HIPK3: variants seen among roughly 807,000 people sequenced by gnomAD.
The protein encoded by HIPK3 is homeodomain interacting protein kinase 3, also known as homeodomain-interacting protein kinase 3.
A neutral mutation model predicts 124.2 loss-of-function variants in HIPK3; 47 were observed. The ratio of observed to expected loss-of-function variants is 0.38; its 90% CI spans 0.30 to 0.48. HIPK3 has a LOEUF of 0.48. HIPK3 is among the 20% of genes least tolerant of loss of function. The pLI is 0.98. For missense variants in HIPK3, 1,286 were observed against 1,454.3 expected, an observed-to-expected ratio of 0.88 and a Z score of 1.88; for synonymous variants, 482 against 515.2, an observed-to-expected ratio of 0.94 and a Z score of 0.87.
At position 33,339,391 on chromosome 11, in the gene HIPK3, T is replaced by C. The variant is rs764800823; in HGVS notation, c.1470T>C (p.Ala490=). The change falls in exon 6 of 17, where the codon GCT becomes GCC. Residue 490 remains alanine (A), a synonymous_variant. Transcript: ENST00000303296. ...VMDLEGSDLL[A]EKADRREFVS... ...ATTTGGAAGGAAGTGATCTTTTGGC[T>C]GAGAAAGCTGATAGAAGAGAATTTG... The C allele has an allele frequency of 5.0e-6, 8 of 1,613,616 alleles. No individual in the cohort carries two copies. Among genetic ancestry groups the C allele is most frequent in the Non-Finnish European group, 5.9e-6 (7 of 1,179,632 alleles).
chr11:33,259,742 CTT>C (rs1177908279), intron 1 of HIPK3, among the ~76,000 whole-genome samples: 1 of 144,216 alleles, frequency 6.9e-6, no homozygotes. Context: ...TTGGGCATGT[CTT>C]TTTTTTTTTG....
Position 33,337,125 on chromosome 11 carries a change from TGTGGGTACTAAATCCACAAG to T in HIPK3, c.1273_1292del (p.Val425IlefsTer22). 6.3e-7 allele frequency: 1 copy of T among 1,596,758 alleles called. No homozygotes were observed. The highest frequency in any genetic ancestry group is 8.6e-7 in the Non-Finnish European group (1 of 1,165,376). ...GTTTGCCAGGAGAACAGTTGTTAAA[TGTGGGTACTAAATCCACAAG>T]ATTTTTTTGCAAAGAAACAGATATG... On this transcript the variant is annotated frameshift_variant, in exon 4 of 17. Coordinates refer to ENST00000303296, the MANE Select transcript of HIPK3 (RefSeq NM_005734.5). LOFTEE classifies it high-confidence loss of function.
intron 3 of HIPK3, among the ~76,000 whole-genome samples, chr11:33,335,171 T>C (rs761924068): frequency 2.0e-5 from 3 of 152,118 alleles, no homozygotes; most frequent in Non-Finnish European, 4.4e-5. Context: ...GTTGGAGATA[T>C]AGAGTCCAGC....
intron 2 of HIPK3, among the ~76,000 whole-genome samples, chr11:33,301,292 A>G (rs1262556963): frequency 6.6e-6 from 1 of 152,160 alleles, no homozygotes; most frequent in Non-Finnish European, 1.5e-5. Flanking sequence ...GACTTGGAGT[A>G]TGTAGTCAAA....
At chr11:33,339,219 T>A (rs1853254555) in intron 5 of HIPK3, 131 bp from the exon 6 acceptor site, 1 of 615,208 alleles carries the variant, frequency 1.6e-6, no homozygotes, top group Non-Finnish European at 2.8e-6. Flanking sequence ...TTGTTCTTCT[T>A]TGTTTTAAGA....
At chr11:33,309,064 T>C (rs1218367491) in intron 2 of HIPK3, among the ~76,000 whole-genome samples, 2 of 152,204 alleles carry the variant, frequency 1.3e-5, no homozygotes, top group African/African-American at 4.8e-5. Flanking sequence ...GTGAGCAGTT[T>C]GCAAACTAGG....
At chr11:33,341,183 T>C in intron 7 of HIPK3, 56 bp downstream of exon 7, 1 of 1,252,944 alleles carries the variant, frequency 8.0e-7, no homozygotes, top group Admixed American at 2.3e-5. Context: ...TTGCGCATTT[T>C]ACTTTTGATA....
At chr11:33,297,870 A>G (rs1406617605) in intron 2 of HIPK3, among the ~76,000 whole-genome samples, 2 of 145,536 alleles carry the variant, frequency 1.4e-5, no homozygotes, top group African/African-American at 2.6e-5. Context: ...GCTCATTGCA[A>G]CCTCTACCTG....
intron 2 of HIPK3, among the ~76,000 whole-genome samples, chr11:33,299,196 G>C (rs983337791): frequency 6.6e-6 from 1 of 151,792 alleles, no homozygotes; most frequent in Non-Finnish European, 1.5e-5. Context: ...TTCTTGGGCC[G>C]GGCGCGGTGG....
rs186808506 is a variant in HIPK3, at chr11:33,305,222, G to A, written c.1097+17711G>A. On this transcript the variant is annotated intron_variant, in intron 2 of 16. Transcript: ENST00000303296. ...TCACCACGTTGGCCAGGTTGGTCTC[G>A]AACTCCTGACCTTAAGTGATCTGCC... Among the ~76,000 whole-genome samples, 196 of 152,048 alleles carry A rather than the reference G, an allele frequency of 1.3e-3. 1 individual carries two copies. Among genetic ancestry groups the A allele is most frequent in the East Asian group, 6.4e-3 (33 of 5,156 alleles).
At chr11:33,300,857 T>TC in intron 2 of HIPK3, among the ~76,000 whole-genome samples, 1 of 152,286 alleles carries the variant, frequency 6.6e-6, no homozygotes. Flanking sequence ...CACCTCAGCC[T>TC]CCTGAGTAGC....
intron 2 of HIPK3, among the ~76,000 whole-genome samples, chr11:33,307,343 CTT>C (rs1852191549): frequency 6.6e-6 from 1 of 150,884 alleles, no homozygotes; most frequent in Non-Finnish European, 1.5e-5. Context: ...TATGAACACA[CTT>C]ATATAACCAC....
chr11:33,327,418 A>G (rs997681181), intron 2 of HIPK3, among the ~76,000 whole-genome samples: 3 of 152,220 alleles, frequency 2.0e-5, no homozygotes, highest in African/African-American at 7.2e-5. Flanking sequence ...CTTAGGAATT[A>G]TTCCATATTG....
At position 33,353,240 on chromosome 11, in the gene HIPK3, C is replaced by T. The variant is rs1469317144; in HGVS notation, c.3320C>T (p.Ala1107Val). The change falls in exon 17 of 17, where the codon GCT becomes GTT. Residue 1107 changes from alanine (A) to valine (V), a missense_variant. Physicochemically the swap from Ala to Val is moderately conservative, Grantham distance 64 (BLOSUM62 0). This residue lies in a region of HIPK3 where 810 missense variants were observed against 864.9 expected (regional missense o/e 0.94). Transcript: ENST00000303296. ...CACACAGCAGTGCATGCCCACCTGG[C>T]TGGAAATACACACCTCGGAGGACAG... is the stretch of plus-strand genomic sequence containing the variant. Reference protein sequence around the residue: ...PNHTAVHAHLAGNTHLGGQPT... With the variant: ...PNHTAVHAHLVGNTHLGGQPT... 1 of 1,614,134 alleles carries T rather than the reference C, an allele frequency of 6.2e-7. No individual in the cohort carries two copies. Among genetic ancestry groups the T allele is most frequent in the East Asian group, 2.2e-5 (1 of 44,884 alleles).
At chr11:33,289,442 GA>G (rs113928623) in intron 2 of HIPK3, among the ~76,000 whole-genome samples, 4 of 149,652 alleles carry the variant, frequency 2.7e-5, no homozygotes, top group Non-Finnish European at 4.5e-5. Context: ...GAGACCCTCT[GA>G]AAAAAAAATA....
rs184423362 is a variant in HIPK3, at chr11:33,299,900, G to T, written c.1097+12389G>T. Among the ~76,000 whole-genome samples the T allele has an allele frequency of 2.0e-4, 31 of 151,796 alleles. No homozygotes were observed. In the East Asian group the frequency reaches 5.5e-3, roughly 27 times the overall value. ...TAGCTGAGCTTGGTGGTGTGTGTCT[G>T]TAGTCGTAGCTTCTTGGATGCTGAG... On this transcript the variant is annotated intron_variant, in intron 2 of 16. Transcript: ENST00000303296.
At chr11:33,328,480 C>G (rs746288807) in intron 2 of HIPK3, 30 bp from the exon 3 acceptor site, 1 of 1,603,860 alleles carries the variant, frequency 6.2e-7, no homozygotes, top group South Asian at 1.1e-5. Flanking sequence ...GAAAAACCAC[C>G]CTGATTTTTG....
intron 2 of HIPK3, among the ~76,000 whole-genome samples, chr11:33,314,751 G>T (rs778654709): frequency 4.6e-5 from 7 of 152,148 alleles, no homozygotes; most frequent in Non-Finnish European, 1.0e-4. Flanking sequence ...AAGTTAGAAA[G>T]TTAAATCATT....
intron 1 of HIPK3, among the ~76,000 whole-genome samples, chr11:33,279,939 C>G (rs929920140): frequency 6.6e-6 from 1 of 152,094 alleles, no homozygotes; most frequent in African/African-American, 2.4e-5. Context: ...ATAGAGCCCT[C>G]GTGATCTACA....
Sources: gnomAD v4.1 joint callset for allele counts (sites outside exome capture counted in the v4.1 genomes callset) on GRCh38, gnomAD v4.1.1 for gene constraint, gnomAD v4.1.1 regional missense constraint, MANE v1.5 for transcripts, NCBI Gene and HGNC (gene_info 2026-07-23, HGNC 2026-07-21) for gene names.